The following CA4 variants were observed in gnomAD, a reference collection of about 807,000 sequenced individuals.
CA4 encodes carbonic anhydrase 4, also known as CA-IV.
CA4 carries 24 observed loss-of-function variants against 34.5 expected under a neutral mutation model. That is an observed-to-expected ratio of 0.70 (90% confidence interval 0.50 to 0.98). The LOEUF is 0.98. CA4 is among the 50% of genes least tolerant of loss of function. CA4 has a pLI of 0.00. For synonymous variants in CA4, 178 were observed against 170.6 expected (o/e 1.04, Z -0.34); for missense variants, 394 against 396.7 (o/e 0.99, Z 0.06).
At chr17:60,175,358 G>A (rs190702169), downstream of CA4, among the ~76,000 whole-genome samples, 260 of 151,696 alleles carry the variant, frequency 1.7e-3, 2 homozygotes, top group Middle Eastern at 6.8e-3. Flanking sequence ...AGCTTAAGCC[G>A]AGGAGTTCGA....
chr17:60,178,769 T>C, the CA4 span, among the ~76,000 whole-genome samples: 1 of 152,254 alleles, frequency 6.6e-6, no homozygotes, highest in African/African-American at 2.4e-5. Context: ...TTGCACACCT[T>C]CGTGATCTTG....
downstream of CA4, among the ~76,000 whole-genome samples, chr17:60,172,034 C>G (rs951981483): frequency 5.3e-5 from 8 of 152,058 alleles, no homozygotes. Context: ...CCGTAGGTAT[C>G]TCCTACTCCA....
chr17:60,151,538 C>G (rs2083591938), intron 1 of CA4: 1 of 152,260 alleles, frequency 6.6e-6, no homozygotes, highest in African/African-American at 2.4e-5. Flanking sequence ...GGGTAAGTCA[C>G]TTCCTGTCCC....
At chr17:60,157,818 A>T in intron 5 of CA4, 30 bp downstream of exon 5, 1 of 1,582,764 alleles carries the variant, frequency 6.3e-7, no homozygotes, top group Non-Finnish European at 8.7e-7. Flanking sequence ...CTTCCCGGGG[A>T]ACCCGGGGCT....
the CA4 span, among the ~76,000 whole-genome samples, chr17:60,177,098 A>G: frequency 6.6e-6 from 1 of 152,182 alleles, no homozygotes; most frequent in Non-Finnish European, 1.5e-5. Context: ...AGAGTTTCCA[A>G]CCTCAGAGAT....
At chr17:60,157,341 T>C in intron 3 of CA4, 86 bp from the exon 4 acceptor site, 1 of 1,233,998 alleles carries the variant, frequency 8.1e-7, no homozygotes, top group Non-Finnish European at 1.1e-6. Flanking sequence ...CAGGAGACAA[T>C]GTCCCATCTG....
At chr17:60,153,563 C>T (rs1264405070) in intron 1 of CA4, among the ~76,000 whole-genome samples, 2 of 152,210 alleles carry the variant, frequency 1.3e-5, no homozygotes, top group South Asian at 2.1e-4. Flanking sequence ...GCAGACTCAA[C>T]CTGAATTCTC....
Position 60,157,921 on chromosome 17 carries a change from C to T in CA4, c.513+133C>T, listed in dbSNP as rs368498889. 2.6e-5 allele frequency: 40 copies of T among 1,541,002 alleles called. No homozygotes were observed. In the East Asian group the frequency reaches 9.2e-4, roughly 36 times the overall value. On this transcript the variant is annotated intron_variant, in intron 5 of 7. Transcript: ENST00000300900. ...ACTTCCGCCTCTGTTTCTGGGGTTG[C>T]ATGTCCCCGGGCCAGGTGGGGAGCC...
intron 1 of CA4, among the ~76,000 whole-genome samples, chr17:60,154,340 G>A (rs1037439091): frequency 2.0e-5 from 3 of 152,052 alleles, no homozygotes; most frequent in East Asian, 3.9e-4. Flanking sequence ...AAGGCCCTAT[G>A]AGGTGGGTAT....
chr17:60,173,413 G>C (rs189057710), downstream of CA4, among the ~76,000 whole-genome samples: 81 of 152,256 alleles, frequency 5.3e-4, no homozygotes, highest in African/African-American at 1.8e-3. Flanking sequence ...TCCTGCCTCT[G>C]CTCCTTTGTC....
rs146522568 is a variant in CA4, at chr17:60,152,661, G to C, written c.58+2569G>C. On this transcript the variant is annotated intron_variant, in intron 1 of 7. Coordinates refer to ENST00000300900, the MANE Select transcript of CA4 (RefSeq NM_000717.5). ...GGAATGGCTGCCCCCGGGCCCTCCAGTCAGAGAAGAGGCCAGCCCAATCTT... is the reference window on the plus strand; with the variant it reads ...GGAATGGCTGCCCCCGGGCCCTCCACTCAGAGAAGAGGCCAGCCCAATCTT... Among the ~76,000 whole-genome samples, 392 of 152,370 alleles carry C rather than the reference G, an allele frequency of 2.6e-3. 7 individuals carry two copies. Among genetic ancestry groups the C allele is most frequent in the East Asian group, 0.019 (100 of 5,190 alleles).
rs564813136 is a variant in CA4, at chr17:60,159,436, T to C, written c.*12T>C. ...GCTTCCTGCGATGATGGCTCACTTC[T>C]GCACGCAGCCTCTCTGTTGCCTCAG... is the stretch of plus-strand genomic sequence containing the variant. On this transcript the variant is annotated 3_prime_UTR_variant, in exon 8 of 8. Transcript: ENST00000300900. The C allele has an allele frequency of 2.2e-5, 36 of 1,609,554 alleles. No individual in the cohort carries two copies. Among genetic ancestry groups the C allele is most frequent in the Non-Finnish European group, 2.6e-5 (31 of 1,179,342 alleles).
At chr17:60,169,263 AGC>A (rs1213809733) in intron 5 of CA4, among the ~76,000 whole-genome samples, 2,742 of 141,470 alleles carry the variant, frequency 0.019, 124 homozygotes, top group African/African-American at 0.076. Flanking sequence ...AAAAAAAAAA[AGC>A]AGCAGCAGCA....
chr17:60,169,641 A>G (rs547539024), intron 5 of CA4, among the ~76,000 whole-genome samples: 126 of 152,194 alleles, frequency 8.3e-4, no homozygotes, highest in African/African-American at 2.9e-3. Context: ...GGCATGCGCC[A>G]CCATGCTCAG....
rs755164128 is a variant in CA4, at chr17:60,157,678, CACCCCG to C, written c.415-8_415-3del. 6.2e-7 allele frequency: 1 copy of C among 1,612,520 alleles called. No individual in the cohort carries two copies. On this transcript the variant is annotated splice_region_variant and splice_polypyrimidine_tract_variant and intron_variant, in intron 4 of 7. Coordinates refer to ENST00000300900, the MANE Select transcript of CA4 (RefSeq NM_000717.5). ...TTCATAGGTCCCCTTTTCACCCCTC[CACCCCG>C]ACCAGATGCACATAGTACATGAGAA...
chr17:60,161,532 G>C (rs1454537639), downstream of CA4, among the ~76,000 whole-genome samples: 1 of 152,020 alleles, frequency 6.6e-6, no homozygotes, highest in East Asian at 1.9e-4. Flanking sequence ...CCATCACCTG[G>C]TTCTAGAATC....
At chr17:60,150,654 TAAAAA>T (rs66850461) in intron 1 of CA4, among the ~76,000 whole-genome samples, 16 of 33,908 alleles carry the variant, frequency 4.7e-4, no homozygotes, top group African/African-American at 6.3e-4. Flanking sequence ...GTGCTCCGTT[TAAAAA>T]AAAAAAAAAA....
rs780285754 is a variant in CA4, at chr17:60,156,511, C to T, written c.113-49C>T. 1.9e-5 allele frequency: 30 copies of T among 1,601,802 alleles called. No homozygotes were observed. In the East Asian group the frequency reaches 5.4e-4, roughly 29 times the overall value. On this transcript the variant is annotated intron_variant, in intron 2 of 7. Transcript: ENST00000300900. ...CTTCAGTGGGGTGGTGGGGGCTACA[C>T]CTTGGTGCCAGGCACCCGACTCTCA...
chr17:60,159,342 C>A lies in CA4; in HGVS notation c.857C>A (p.Ala286Asp), dbSNP rs745518288. The stretch of plus-strand genomic sequence containing the variant: ...CAGCGCACGGTGATAAAGTCCGGGG[C>A]CCCGGGTCGGCCGCTGCCCTGGGCC... ...LGQRTVIKSG[A>D]PGRPLPWALP... The change falls in exon 8 of 8, where the codon GCC becomes GAC. Residue 286 changes from alanine to aspartate, a missense_variant. Physicochemically the swap from Ala to Asp is moderately radical, Grantham distance 126. Transcript: ENST00000300900. 6.2e-7 allele frequency: 1 copy of A among 1,609,102 alleles called. No homozygotes were observed. Among genetic ancestry groups the A allele is most frequent in the South Asian group, 1.1e-5 (1 of 90,454 alleles).
Sources: allele counts gnomAD v4.1 joint callset (sites outside exome capture counted in the v4.1 genomes callset), GRCh38; gene constraint gnomAD v4.1.1; transcripts MANE v1.5; gene names NCBI Gene and HGNC (gene_info 2026-07-23, HGNC 2026-07-21).